TNS1: variants seen among roughly 807,000 people sequenced by gnomAD.
TNS1 encodes tensin-1.
Under a neutral mutation model 168.6 loss-of-function variants are expected in TNS1, and 62 were observed. The observed-to-expected ratio is 0.37, with a 90% CI of 0.30 to 0.45. The LOEUF is 0.45. Among genes scored for constraint, TNS1 ranks in the 20% least tolerant of loss-of-function variants. The pLI, the probability that TNS1 is intolerant of heterozygous loss-of-function variation, is 1.00. For missense variants in TNS1, 2,240 were observed against 2,339.4 expected (o/e 0.96, Z 0.88); for synonymous variants, 934 against 933.2 (o/e 1.00, Z -0.02).
chr2:217,884,724 T>C (rs1052160990), intron 16 of TNS1, among the ~76,000 whole-genome samples: 3 of 151,768 alleles, frequency 2.0e-5, no homozygotes, highest in Non-Finnish European at 4.4e-5. Context: ...TGATTGTCAG[T>C]AGGACACATG....
At chr2:217,849,651 C>T (rs959202306) in intron 18 of TNS1, 114 of 985,228 alleles carry the variant, frequency 1.2e-4, no homozygotes, top group Non-Finnish European at 1.3e-4. Flanking sequence ...CAGTCCCCTC[C>T]GCCACCCCAT....
At chr2:217,992,829 C>T (rs1958401795) in intron 1 of TNS1, among the ~76,000 whole-genome samples, 1 of 152,098 alleles carries the variant, frequency 6.6e-6, no homozygotes. Flanking sequence ...GAAAGAGAGA[C>T]AGAAGGACAC....
chr2:218,030,984 G>C (rs535115734), intron 1 of TNS1, among the ~76,000 whole-genome samples: 1 of 151,542 alleles, frequency 6.6e-6, no homozygotes, highest in Non-Finnish European at 1.5e-5. Context: ...CTGTGTGTAT[G>C]AGTGTATGTA....
At chr2:217,867,353 C>T (rs1387263538) in intron 18 of TNS1, among the ~76,000 whole-genome samples, 1 of 152,206 alleles carries the variant, frequency 6.6e-6, no homozygotes, top group Non-Finnish European at 1.5e-5. Flanking sequence ...GATAGACTTA[C>T]CCAAATGAAA....
chr2:217,966,304 T>C (rs566743247), intron 3 of TNS1, among the ~76,000 whole-genome samples: 1,919 of 137,312 alleles, frequency 0.014, 32 homozygotes, highest in East Asian at 0.056. Flanking sequence ...TGTGTGTGTG[T>C]GTGTGCGCGC....
At chr2:217,938,332 G>A (rs1455529145) in intron 3 of TNS1, among the ~76,000 whole-genome samples, 6 of 152,180 alleles carry the variant, frequency 3.9e-5, no homozygotes, top group Non-Finnish European at 8.8e-5. Flanking sequence ...GAATGTCAGG[G>A]GCACCGGAAA....
chr2:217,916,823 G>A (rs536173265), intron 4 of TNS1, among the ~76,000 whole-genome samples: 5 of 152,314 alleles, frequency 3.3e-5, no homozygotes, highest in Admixed American at 1.3e-4. Flanking sequence ...AGCAAGATCA[G>A]TGAGAAGTCC....
chr2:217,848,767 G>C lies in TNS1; in HGVS notation c.1750C>G (p.His584Asp). 1 of 1,614,184 alleles carries C rather than the reference G, an allele frequency of 6.2e-7. No individual in the cohort carries two copies. The highest frequency in any genetic ancestry group is 8.5e-7 in the Non-Finnish European group (1 of 1,180,028). ...LEREKQGAMYHTQHLRSRPAG... is the reference protein window; with the variant it reads ...LEREKQGAMYDTQHLRSRPAG... ...GGGCGGGACCTGAGGTGCTGGGTGTGGTACATGGCGCCTTGCTTCTCTCGC... is the reference window on the plus strand; with the variant it reads ...GGGCGGGACCTGAGGTGCTGGGTGTCGTACATGGCGCCTTGCTTCTCTCGC... The change falls in exon 19 of 33, where the codon CAC becomes GAC. Residue 584 changes from histidine (H) to aspartate (D), a missense_variant. By Grantham distance (81) the His-to-Asp change is moderately conservative (BLOSUM62 -1). Coordinates refer to ENST00000682258, the MANE Select transcript of TNS1 (RefSeq NM_001387777.1).
intron 4 of TNS1, among the ~76,000 whole-genome samples, chr2:217,917,427 TA>T (rs1955147097): frequency 6.6e-6 from 1 of 152,058 alleles, no homozygotes; most frequent in Non-Finnish European, 1.5e-5. Context: ...TTAAACAAGA[TA>T]AATAAGTAAA....
chr2:217,818,250 G>A lies in TNS1; in HGVS notation c.4082C>T (p.Ser1361Phe). The change falls in exon 24 of 33, where the codon TCT (serine) becomes TTT (phenylalanine). Residue 1361 changes from serine to phenylalanine, a missense_variant. Around this residue, in one of 2 missense-constraint regions of TNS1, gnomAD observed 2,131 missense variants for 2,171.2 expected, o/e 0.98. Coordinates refer to ENST00000682258, the MANE Select transcript of TNS1 (RefSeq NM_001387777.1). ...GGTGGCCACTTTGTTGTGGAGGCCAGAAACCTGGTAGACCCCTGCTGGGTG... is the reference window on the plus strand; with the variant it reads ...GGTGGCCACTTTGTTGTGGAGGCCAAAAACCTGGTAGACCCCTGCTGGGTG... Reference protein sequence around the residue: ...CRHPAGVYQVSGLHNKVATTP... With the variant: ...CRHPAGVYQVFGLHNKVATTP... 6.2e-7 allele frequency: 1 copy of A among 1,613,824 alleles called. No homozygotes were observed. The highest frequency in any genetic ancestry group is 1.7e-5 in the Admixed American group (1 of 60,004).
chr2:218,024,283 A>G (rs900364475), intron 1 of TNS1, among the ~76,000 whole-genome samples: 1 of 152,048 alleles, frequency 6.6e-6, no homozygotes, highest in African/African-American at 2.4e-5. Flanking sequence ...GATGCAAGAG[A>G]ACCACAAAGA....
chr2:217,966,868 G>A (rs1223464929), intron 3 of TNS1, among the ~76,000 whole-genome samples: 2 of 152,222 alleles, frequency 1.3e-5, no homozygotes, highest in East Asian at 3.8e-4. Flanking sequence ...CGAGCAGGAA[G>A]CCCACATCAC....
intron 3 of TNS1, among the ~76,000 whole-genome samples, chr2:217,941,987 A>G (rs1266405735): frequency 6.6e-6 from 1 of 152,202 alleles, no homozygotes; most frequent in Non-Finnish European, 1.5e-5. Context: ...GTTGGTCTGC[A>G]AAACAATAAC....
At chr2:218,024,617 G>A (rs1177751016) in intron 1 of TNS1, among the ~76,000 whole-genome samples, 2 of 152,098 alleles carry the variant, frequency 1.3e-5, no homozygotes, top group Admixed American at 6.5e-5. Flanking sequence ...CTGCAGCTTG[G>A]CAATGGCTCT....
chr2:217,834,692 T>C (rs768838675), intron 21 of TNS1, among the ~76,000 whole-genome samples: 1 of 151,978 alleles, frequency 6.6e-6, no homozygotes, highest in South Asian at 2.1e-4. Context: ...ATGGAAGAGG[T>C]GTCTGGATGC....
At chr2:217,842,071 C>T (rs1946045186) in intron 19 of TNS1, 2 of 702,944 alleles carry the variant, frequency 2.8e-6, no homozygotes, top group Admixed American at 4.0e-5. Context: ...CCTTCACAAG[C>T]TGCTCCATGC....
chr2:217,941,570 C>T (rs1331731748), intron 3 of TNS1, among the ~76,000 whole-genome samples: 1 of 152,202 alleles, frequency 6.6e-6, no homozygotes, highest in Non-Finnish European at 1.5e-5. Context: ...GCCCACGCCC[C>T]AGGCCAGAGG....
chr2:217,813,077 A>G lies in TNS1; in HGVS notation c.4954+138T>C, dbSNP rs72945961. ...TGCGGAGGGAGAGAAGCTTTCATTC[A>G]TTTTCTCTGCTGAATTTATGACAAG... On this transcript the variant is annotated intron_variant, in intron 27 of 32. Coordinates refer to ENST00000682258, the MANE Select transcript of TNS1 (RefSeq NM_001387777.1). The surrounding 1 kb of genome is among the most constrained non-coding windows in gnomAD (Gnocchi z 4.0). 0.031 allele frequency: 20,227 copies of G among 660,496 alleles called. 446 individuals carry two copies. The highest frequency in any genetic ancestry group is 0.088 in the Middle Eastern group (212 of 2,408). The allele number at this position is 660,496 out of a possible 1,614,324, so 40.9% of individuals were successfully genotyped here.
At chr2:217,842,145 C>T (rs1335966364) in intron 19 of TNS1, 1 of 702,744 alleles carries the variant, frequency 1.4e-6, no homozygotes, top group Non-Finnish European at 2.6e-6. Context: ...TCCAGGACTC[C>T]ATCCTTGGGA....
Sources: gnomAD v4.1 joint callset for allele counts (sites outside exome capture counted in the v4.1 genomes callset) on GRCh38, gnomAD v4.1.1 for gene constraint, gnomAD v4.1.1 regional missense constraint, Gnocchi (gnomAD v3.1) non-coding constraint, MANE v1.5 for transcripts, NCBI Gene and HGNC (gene_info 2026-07-23, HGNC 2026-07-21) for gene names.